PCDHA2: variants seen among roughly 807,000 people sequenced by gnomAD.
PCDHA2 encodes protocadherin alpha 2.
Under a neutral mutation model 66.0 loss-of-function variants are expected in PCDHA2, and 58 were observed. The observed-to-expected ratio is 0.88, with a 90% confidence interval of 0.71 to 1.09. The LOEUF (loss-of-function observed/expected upper bound fraction) is 1.09, where lower values mean the gene tolerates loss of function less well. Among genes scored for constraint, PCDHA2 ranks in the 50% least tolerant of loss-of-function variants. PCDHA2 has a pLI of 0.00. For missense variants in PCDHA2, 1,267 were observed against 1,242.3 expected, an observed-to-expected ratio of 1.02 and a Z score of -0.30; for synonymous variants, 634 against 554.0, an observed-to-expected ratio of 1.14 and a Z score of -2.03.
At chr5:140,956,885 T>C (rs1156888418) in intron 1 of PCDHA2, among the ~76,000 whole-genome samples, 1 of 152,194 alleles carries the variant, frequency 6.6e-6, no homozygotes, top group Non-Finnish European at 1.5e-5. Context: ...TAGATATCAA[T>C]GAATGAATAT....
chr5:140,888,533 T>C (rs2061866119), intron 1 of PCDHA2, among the ~76,000 whole-genome samples: 1 of 152,228 alleles, frequency 6.6e-6, no homozygotes, highest in South Asian at 2.1e-4. Flanking sequence ...TGAAGTTAAG[T>C]TGCTCAGTAC....
rs191500915 is a variant in PCDHA2, at chr5:140,840,115, G to A, written c.2388+42763G>A. Among the ~76,000 whole-genome samples, 14 of 152,082 alleles carry A rather than the reference G, an allele frequency of 9.2e-5. No individual in the cohort carries two copies. In the East Asian group the frequency reaches 2.7e-3, roughly 29 times the overall value. ...AAGATTTTAGTGAAATCGAGTGAAA[G>A]CTGTACTAATAAGGACAGAAATTAT... is the stretch of plus-strand genomic sequence containing the variant. On this transcript the variant is annotated intron_variant, in intron 1 of 3. Coordinates refer to ENST00000526136, the MANE Select transcript of PCDHA2 (RefSeq NM_018905.3).
At chr5:141,001,723 A>T (rs936645287) in intron 3 of PCDHA2, among the ~76,000 whole-genome samples, 1 of 152,168 alleles carries the variant, frequency 6.6e-6, no homozygotes, top group Non-Finnish European at 1.5e-5. Flanking sequence ...GGAGCTTGAG[A>T]TATTTTACAA....
At chr5:140,803,941 A>G in intron 1 of PCDHA2, 1 of 380,398 alleles carries the variant, frequency 2.6e-6, no homozygotes, top group South Asian at 4.0e-5. Flanking sequence ...TCCCTATACA[A>G]TGCTTCTTCA....
chr5:140,985,554 A>G (rs1563525071), intron 3 of PCDHA2, among the ~76,000 whole-genome samples: 1 of 152,114 alleles, frequency 6.6e-6, no homozygotes, highest in Non-Finnish European at 1.5e-5. Flanking sequence ...GTTGCTTCCA[A>G]AAGGCTTCTT....
intron 1 of PCDHA2, chr5:140,875,959 G>A: frequency 1.2e-6 from 2 of 1,614,070 alleles, no homozygotes; most frequent in South Asian, 1.1e-5. Flanking sequence ...TGCGGATATC[G>A]GCGTAAACTC....
chr5:140,806,321 T>C (rs1316329183), intron 1 of PCDHA2, among the ~76,000 whole-genome samples: 4 of 152,166 alleles, frequency 2.6e-5, no homozygotes, highest in African/African-American at 9.7e-5. Flanking sequence ...CTTAGGCACA[T>C]TACATACTGG....
intron 1 of PCDHA2, chr5:140,883,019 G>A (rs1554176509): frequency 1.2e-6 from 2 of 1,613,986 alleles, no homozygotes; most frequent in South Asian, 1.1e-5. Flanking sequence ...TAAAGTGACG[G>A]TGTTAGAGAA....
intron 1 of PCDHA2, chr5:140,808,841 C>A (rs1554124838): frequency 1.2e-6 from 2 of 1,613,098 alleles, no homozygotes; most frequent in South Asian, 1.1e-5. Flanking sequence ...CGTGACGCTG[C>A]AGGTGTTCGT....
chr5:140,843,669 T>C (rs1554140329), intron 1 of PCDHA2: 2 of 1,592,688 alleles, frequency 1.3e-6, no homozygotes, highest in Non-Finnish European at 1.7e-6. Flanking sequence ...CTGGGATCAG[T>C]TGATGTAGGC....
Position 140,807,074 on chromosome 5 carries a change from A to T in PCDHA2, c.2388+9722A>T, listed in dbSNP as rs372967091. ...ATTCTTACTGGAAGGAACCATATAC[A>T]CTCTTTGGAGTCTGAAATATGGAGG... On this transcript the variant is annotated intron_variant, in intron 1 of 3. Transcript: ENST00000526136. 9.9e-6 allele frequency: 12 copies of T among 1,213,528 alleles called. No individual in the cohort carries two copies. In the East Asian group the frequency reaches 2.1e-4, roughly 21 times the overall value. The allele number at this position is 1,213,528 out of a possible 1,614,324, so 75.2% of individuals were successfully genotyped here.
chr5:140,820,653 A>G (rs191345259), intron 1 of PCDHA2, among the ~76,000 whole-genome samples: 12 of 152,236 alleles, frequency 7.9e-5, no homozygotes, highest in Admixed American at 7.8e-4. Context: ...TTAAAAAGTA[A>G]TTAAACTAAT....
In PCDHA2 at chr5:140,953,296, G is replaced by A. The variant is rs118116883; in HGVS notation, c.2389-25653G>A. 7.9e-5 allele frequency among the ~76,000 whole-genome samples: 12 copies of A among 152,162 alleles called. No individual in the cohort carries two copies. The East Asian group carries it at 1.5e-3, about 20-fold the overall frequency. Reference sequence around the variant, plus strand: ...TGCTCTTTATATGTGATTCAGGGACGGCAGAGATGTGGGAAGAATTTGATC... The same window carrying A: ...TGCTCTTTATATGTGATTCAGGGACAGCAGAGATGTGGGAAGAATTTGATC... On this transcript the variant is annotated intron_variant, in intron 1 of 3. Coordinates refer to ENST00000526136, the MANE Select transcript of PCDHA2 (RefSeq NM_018905.3).
chr5:140,883,150 C>T, intron 1 of PCDHA2: 1 of 1,613,910 alleles, frequency 6.2e-7, no homozygotes, highest in Non-Finnish European at 8.5e-7. Flanking sequence ...ATGCATTTAC[C>T]ATAAATCCGA....
intron 1 of PCDHA2, chr5:140,821,783 A>T (rs2150110665): frequency 2.5e-6 from 4 of 1,610,396 alleles, no homozygotes; most frequent in Non-Finnish European, 2.5e-6. Flanking sequence ...GAGATGGTAT[A>T]TTCCCGGAGA....
chr5:140,967,779 C>G, intron 1 of PCDHA2: 1 of 1,614,222 alleles, frequency 6.2e-7, no homozygotes, highest in Non-Finnish European at 8.5e-7. Flanking sequence ...GTGCAGGCGA[C>G]TGACCGGGGT....
At chr5:140,854,380 A>G (rs2043104788) in intron 1 of PCDHA2, 1 of 155,922 alleles carries the variant, frequency 6.4e-6, no homozygotes, top group African/African-American at 2.4e-5. Context: ...TACATAACTC[A>G]TTACATTTTA....
intron 1 of PCDHA2, among the ~76,000 whole-genome samples, chr5:140,925,685 G>A (rs1584406507): frequency 7.3e-6 from 1 of 137,694 alleles, no homozygotes; most frequent in South Asian, 2.3e-4. Flanking sequence ...ATAAAGCGAG[G>A]GTGGGTATCT....
At chr5:140,867,469 T>C (rs895909736) in intron 1 of PCDHA2, 2 of 152,068 alleles carry the variant, frequency 1.3e-5, no homozygotes, top group Non-Finnish European at 2.9e-5. Context: ...TATGACAACA[T>C]TGGGAAAAGA....
Sources: gnomAD v4.1 joint callset for allele counts (sites outside exome capture counted in the v4.1 genomes callset) on GRCh38, gnomAD v4.1.1 for gene constraint, MANE v1.5 for transcripts, NCBI Gene and HGNC (gene_info 2026-07-23, HGNC 2026-07-21) for gene names.